Variants in EDNRB observed in about 807,000 individuals in gnomAD.
The protein encoded by EDNRB is endothelin receptor type B, also known as Hirschsprung disease 2.
A neutral mutation model predicts 46.4 loss-of-function variants in EDNRB; 18 were observed. The ratio of observed to expected loss-of-function variants is 0.39; its 90% confidence interval spans 0.27 to 0.57. The LOEUF (loss-of-function observed/expected upper bound fraction) is 0.57. EDNRB is among the 20% of genes least tolerant of loss of function. The probability of loss-of-function intolerance (pLI) is 0.61; values close to 1 mark genes in which losing one functional copy is unlikely to be tolerated. For synonymous variants in EDNRB, 213 were observed against 204.9 expected (o/e 1.04, Z -0.34); for missense variants, 434 against 537.5 (o/e 0.81, Z 1.90).
rs754429925 is a variant in EDNRB at position 77,918,421 on chromosome 13, C to T, written c.153G>A (p.Lys51=). ...CGTTGGAACCCTTGGGCCATAAGGTCTTAGTGGGTGGCGTCATTATCTCTG... is the reference window on the plus strand; with the variant it reads ...CGTTGGAACCCTTGGGCCATAAGGTTTTAGTGGGTGGCGTCATTATCTCTG... The part of the protein sequence containing the change: ...QTAEIMTPPT[K]TLWPKGSNAS... The change falls in exon 1 of 7, where the codon AAG becomes AAA. Residue 51 remains lysine, a synonymous_variant. Coordinates refer to ENST00000646607, the MANE Select transcript of EDNRB (RefSeq NM_001122659.3). This position sits in a 1 kb window ranked among gnomAD's most constrained non-coding sequence, Gnocchi z 4.5. 3 of 1,580,470 alleles carry T rather than the reference C, an allele frequency of 1.9e-6. No homozygotes were observed. The highest frequency in any genetic ancestry group is 4.5e-5 in the East Asian group (2 of 44,520).
At chr13:77,929,011 C>A (rs1389459478) in intron 1 of EDNRB, among the ~76,000 whole-genome samples, 1 of 152,126 alleles carries the variant, frequency 6.6e-6, no homozygotes, top group Non-Finnish European at 1.5e-5. Context: ...AAACTCAGTC[C>A]TATTTAAACG....
intron 1 of EDNRB, among the ~76,000 whole-genome samples, chr13:77,965,259 ATCAAGAG>A (rs1202223563): frequency 3.3e-5 from 5 of 152,188 alleles, no homozygotes; most frequent in Non-Finnish European, 5.9e-5. Context: ...TGTGCAACAT[ATCAAGAG>A]TCAAGAAAAT....
chr13:77,912,625 A>G (rs911369546), intron 1 of EDNRB, among the ~76,000 whole-genome samples: 1 of 152,122 alleles, frequency 6.6e-6, no homozygotes, highest in Non-Finnish European at 1.5e-5. Context: ...TGCAGCCACT[A>G]TGATAGATGG....
chr13:77,896,666 T>C lies in EDNRB; in HGVS notation c.*1534A>G. 1.4e-6 allele frequency: 2 copies of C among 1,469,554 alleles called. No individual in the cohort carries two copies. The allele number at this position is 1,469,554 out of a possible 1,614,324, so 91.0% of individuals were successfully genotyped here. ...CACTCTGAGAACATTGCACTGTGTTTTGCTGGAACAAAATCAGGACCTTTT... is the reference window on the plus strand; with the variant it reads ...CACTCTGAGAACATTGCACTGTGTTCTGCTGGAACAAAATCAGGACCTTTT... On this transcript the variant is annotated 3_prime_UTR_variant, in exon 7 of 7. Coordinates refer to ENST00000646607, the MANE Select transcript of EDNRB (RefSeq NM_001122659.3).
At chr13:77,936,740 G>A (rs561487743) in intron 1 of EDNRB, among the ~76,000 whole-genome samples, 13 of 152,364 alleles carry the variant, frequency 8.5e-5, no homozygotes, top group African/African-American at 2.6e-4. Flanking sequence ...ATCCCAGGCT[G>A]TGGGCATTCC....
intron 1 of EDNRB, among the ~76,000 whole-genome samples, chr13:77,953,068 A>G (rs992609574): frequency 3.9e-5 from 6 of 152,192 alleles, no homozygotes; most frequent in African/African-American, 9.6e-5. Context: ...ATATTTTCCA[A>G]TGTCTTTATC....
At chr13:77,934,597 A>C (rs1263695762) in intron 1 of EDNRB, among the ~76,000 whole-genome samples, 5 of 148,256 alleles carry the variant, frequency 3.4e-5, no homozygotes, top group African/African-American at 7.4e-5. Context: ...GAGGTATTTT[A>C]GTTATCTGAC....
upstream of EDNRB, among the ~76,000 whole-genome samples, chr13:77,922,646 A>T (rs1363926934): frequency 1.3e-5 from 2 of 152,236 alleles, no homozygotes; most frequent in African/African-American, 4.8e-5. Flanking sequence ...AAAAGTCAAT[A>T]GCAAACAGCA....
At chr13:77,900,859 A>G (rs1566304856) in intron 4 of EDNRB, among the ~76,000 whole-genome samples, 199 bp downstream of exon 4, 2 of 151,950 alleles carry the variant, frequency 1.3e-5, no homozygotes, top group African/African-American at 2.4e-5. Context: ...GATTCTCCCT[A>G]GATCCTTTTA....
At chr13:77,938,955 C>T (rs553305614) in intron 1 of EDNRB, among the ~76,000 whole-genome samples, 83 of 152,244 alleles carry the variant, frequency 5.5e-4, no homozygotes, top group Non-Finnish European at 8.5e-4. Context: ...GGGAGGTCCC[C>T]CTATCTGAGT....
At chr13:77,944,570 G>C (rs548947868) in intron 1 of EDNRB, among the ~76,000 whole-genome samples, 2 of 151,984 alleles carry the variant, frequency 1.3e-5, no homozygotes, top group Non-Finnish European at 2.9e-5. Flanking sequence ...AATTCCAACG[G>C]AAGTCAGAAT....
intron 1 of EDNRB, among the ~76,000 whole-genome samples, chr13:77,944,495 T>C (rs909788771): frequency 9.2e-5 from 14 of 152,194 alleles, no homozygotes; most frequent in African/African-American, 2.9e-4. Flanking sequence ...ATAGGCATCA[T>C]GTATAAGCTA....
At chr13:77,952,978 G>T (rs1881134731) in intron 1 of EDNRB, among the ~76,000 whole-genome samples, 2 of 152,156 alleles carry the variant, frequency 1.3e-5, no homozygotes, top group Admixed American at 1.3e-4. Context: ...CAGTTTCTAG[G>T]CAGCTTTAGT....
intron 1 of EDNRB, among the ~76,000 whole-genome samples, chr13:77,917,059 A>C (rs1222189211): frequency 6.6e-6 from 1 of 152,080 alleles, no homozygotes; most frequent in African/African-American, 2.4e-5. Flanking sequence ...GTGTGTTTCT[A>C]CTGACGCCCA....
Position 77,918,682 on chromosome 13 carries a change from C to T in EDNRB, c.-109G>A. 1 of 1,438,536 alleles carries T rather than the reference C, an allele frequency of 7.0e-7. No individual in the cohort carries two copies. The highest frequency in any genetic ancestry group is 9.1e-7 in the Non-Finnish European group (1 of 1,102,854). 89.1% of individuals were successfully genotyped at this position (1,438,536 alleles called of 1,614,324 possible). ...CTTGGGTCAGCTGCCCGAGCCAAGT[C>T]GCTGCAAACGCTAATACCGCCCGCA... is the stretch of plus-strand genomic sequence containing the variant. On this transcript the variant is annotated 5_prime_UTR_variant, in exon 1 of 7. Transcript: ENST00000646607. This position sits in a 1 kb window ranked among gnomAD's most constrained non-coding sequence, Gnocchi z 4.5.
At chr13:77,961,513 C>G (rs1042227865) in intron 1 of EDNRB, among the ~76,000 whole-genome samples, 1 of 152,178 alleles carries the variant, frequency 6.6e-6, no homozygotes, top group Non-Finnish European at 1.5e-5. Context: ...AACTGAACAA[C>G]CCACTCCTGA....
At chr13:77,906,700 A>T (rs1279082439) in intron 1 of EDNRB, among the ~76,000 whole-genome samples, 1 of 152,030 alleles carries the variant, frequency 6.6e-6, no homozygotes, top group African/African-American at 2.4e-5. Flanking sequence ...GGACAACTGC[A>T]TCCCCAGCCA....
intron 1 of EDNRB, among the ~76,000 whole-genome samples, chr13:77,946,107 T>A (rs947321435): frequency 6.6e-6 from 1 of 152,152 alleles, no homozygotes; most frequent in Non-Finnish European, 1.5e-5. Context: ...GTCACAAGTA[T>A]CCGAACTGTG....
chr13:77,972,327 C>G (rs1881759710), intron 1 of EDNRB, among the ~76,000 whole-genome samples: 1 of 152,192 alleles, frequency 6.6e-6, no homozygotes, highest in Non-Finnish European at 1.5e-5. Flanking sequence ...AATATTTGAT[C>G]CATTTTAACC....
Sources: allele counts gnomAD v4.1 joint callset (sites outside exome capture counted in the v4.1 genomes callset), GRCh38; gene constraint gnomAD v4.1.1; non-coding constraint Gnocchi (gnomAD v3.1); transcripts MANE v1.5; gene names NCBI Gene and HGNC (gene_info 2026-07-23, HGNC 2026-07-21).